Variants in USP40 observed in about 807,000 individuals in gnomAD.
The protein encoded by USP40 is ubiquitin carboxyl-terminal hydrolase 40.
In USP40, 143 loss-of-function variants were observed where a neutral mutation model predicts 166.2. That is an observed-to-expected ratio of 0.86 (90% CI 0.75 to 0.99). The LOEUF is 0.99. Among genes scored for constraint, USP40 ranks in the 50% least tolerant of loss-of-function variants. The pLI is 0.00. For synonymous variants in USP40, 498 were observed against 524.0 expected, an observed-to-expected ratio of 0.95 and a Z score of 0.68; for missense variants, 1,444 against 1,479.7, an observed-to-expected ratio of 0.98 and a Z score of 0.40.
intron 11 of USP40, among the ~76,000 whole-genome samples, 167 bp from the exon 12 acceptor site, chr2:233,529,679 T>C (rs1440974030): frequency 2.0e-5 from 3 of 152,038 alleles, no homozygotes; most frequent in East Asian, 1.9e-4. Context: ...ATCTGAAAAA[T>C]GAAAAAGTTA....
chr2:233,550,509 C>A (rs529591159), intron 7 of USP40, among the ~76,000 whole-genome samples: 16 of 149,818 alleles, frequency 1.1e-4, no homozygotes, highest in South Asian at 2.1e-4. Flanking sequence ...AAAAAAAAAA[C>A]CCCAAAAAGC....
intron 22 of USP40, among the ~76,000 whole-genome samples, chr2:233,499,638 T>C (rs2065948233): frequency 6.6e-6 from 1 of 152,162 alleles, no homozygotes; most frequent in Non-Finnish European, 1.5e-5. Context: ...CTGTAAAACA[T>C]TCCTACTTTG....
intron 17 of USP40, among the ~76,000 whole-genome samples, chr2:233,520,205 G>A (rs922249868): frequency 3.3e-5 from 5 of 151,926 alleles, no homozygotes; most frequent in African/African-American, 1.2e-4. Flanking sequence ...GTAAATTTAG[G>A]AGTAAAACCG....
At chr2:233,545,832 TG>T (rs973760430) in intron 8 of USP40, 1 of 182,136 alleles carries the variant, frequency 5.5e-6, no homozygotes, top group African/African-American at 2.4e-5. Flanking sequence ...TGGGACCCTT[TG>T]TCTGTGGGCA....
At chr2:233,560,140 TGATATGGTTCA>T (rs1243483648) in intron 3 of USP40, among the ~76,000 whole-genome samples, 1 of 152,224 alleles carries the variant, frequency 6.6e-6, no homozygotes, top group Non-Finnish European at 1.5e-5. Flanking sequence ...TTTTCTACCT[TGATATGGTTCA>T]GACAAACATT....
At chr2:233,492,330 A>C (rs1379969060) in intron 25 of USP40, among the ~76,000 whole-genome samples, 2 of 152,258 alleles carry the variant, frequency 1.3e-5, no homozygotes, top group African/African-American at 2.4e-5. Flanking sequence ...GTGTTCACAT[A>C]ATGATGAAAT....
rs1239486094 is a variant in USP40 at position 233,556,933 on chromosome 2, G to C, written c.468C>G (p.Asp156Glu). The change falls in exon 5 of 32, where the codon GAC becomes GAG. Residue 156 changes from aspartate (D) to glutamate (E), a missense_variant. Coordinates refer to ENST00000678225, the MANE Select transcript of USP40 (RefSeq NM_001365479.2). ...TTCCATGGTACAGACGATAGATGAG[G>C]TCATGACCGGAGGTCCCAACTAAAG... Reference protein sequence around the residue: ...ETSLVGTSGHDLIYRLYHGTI... With the variant: ...ETSLVGTSGHELIYRLYHGTI... 6.2e-7 allele frequency: 1 copy of C among 1,613,950 alleles called. No individual in the cohort carries two copies. The highest frequency in any genetic ancestry group is 1.7e-5 in the Admixed American group (1 of 60,028).
At chr2:233,544,270 CCAGAGTT>C (rs1283491718) in intron 8 of USP40, among the ~76,000 whole-genome samples, 2 of 151,950 alleles carry the variant, frequency 1.3e-5, no homozygotes, top group Admixed American at 1.3e-4. Flanking sequence ...CCAGAAGGGC[CCAGAGTT>C]CAGGAAACTC....
chr2:233,519,385 G>A (rs1214617786), intron 18 of USP40: 2 of 426,516 alleles, frequency 4.7e-6, no homozygotes, highest in Non-Finnish European at 8.6e-6. Flanking sequence ...ATTGTATCTG[G>A]GGAAGGAGAG....
At chr2:233,481,396 ACAGATT>A in intron 30 of USP40, 99 bp from the exon 31 acceptor site, 1 of 1,035,756 alleles carries the variant, frequency 9.7e-7, no homozygotes, top group Non-Finnish European at 1.4e-6. Flanking sequence ...TGACAAAAGA[ACAGATT>A]CAAATTTACA....
At chr2:233,544,281 G>GA (rs777009270) in intron 8 of USP40, among the ~76,000 whole-genome samples, 2 of 152,138 alleles carry the variant, frequency 1.3e-5, no homozygotes, top group Non-Finnish European at 2.9e-5. Context: ...CAGAGTTCAG[G>GA]AAACTCTGTT....
At chr2:233,559,100 G>T (rs1294542879) in intron 4 of USP40, among the ~76,000 whole-genome samples, 3 of 152,194 alleles carry the variant, frequency 2.0e-5, no homozygotes, top group Non-Finnish European at 4.4e-5. Flanking sequence ...ATGGTAGACT[G>T]GGATTTGTTT....
At chr2:233,523,620 T>G in intron 15 of USP40, 131 bp from the exon 16 acceptor site, 1 of 866,610 alleles carries the variant, frequency 1.2e-6, no homozygotes, top group Non-Finnish European at 1.7e-6. Context: ...CACAAATGTC[T>G]GTTAAGCATC....
intron 31 of USP40, among the ~76,000 whole-genome samples, chr2:233,477,735 G>A (rs955032933): frequency 2.0e-5 from 3 of 152,272 alleles, no homozygotes; most frequent in African/African-American, 7.2e-5. Context: ...GCATGGTTCA[G>A]GCTCTGGGGC....
intron 6 of USP40, among the ~76,000 whole-genome samples, chr2:233,552,784 T>A (rs1323966781): frequency 6.6e-6 from 1 of 152,234 alleles, no homozygotes; most frequent in Non-Finnish European, 1.5e-5. Context: ...TTATCTATAA[T>A]CTCCAGGATA....
intron 30 of USP40, among the ~76,000 whole-genome samples, chr2:233,484,928 G>A (rs930330536): frequency 2.6e-5 from 4 of 152,138 alleles, no homozygotes; most frequent in Non-Finnish European, 4.4e-5. Flanking sequence ...CAGAAGGGGC[G>A]GTTAGGGGAA....
intron 31 of USP40, among the ~76,000 whole-genome samples, chr2:233,478,883 G>A (rs1232059771): frequency 3.9e-5 from 6 of 152,192 alleles, no homozygotes; most frequent in East Asian, 1.9e-4. Flanking sequence ...TGACGGTCAC[G>A]CTGGCCCATC....
intron 16 of USP40, among the ~76,000 whole-genome samples, chr2:233,521,834 A>G (rs891216854): frequency 2.0e-5 from 3 of 152,230 alleles, no homozygotes; most frequent in Admixed American, 2.0e-4. Flanking sequence ...ATGCTCCATG[A>G]AGACTACTTT....
chr2:233,504,649 G>A lies in USP40; in HGVS notation c.2614-4734C>T, dbSNP rs150820002. ...TTATAATGATATAAAGGGATTCAAT[G>A]AGAGGATATAACAATTGTAAATATA... On this transcript the variant is annotated intron_variant, in intron 21 of 31. Transcript: ENST00000678225. Among the ~76,000 whole-genome samples the A allele has an allele frequency of 4.7e-3, 719 of 151,974 alleles. 6 individuals carry two copies. Among genetic ancestry groups the A allele is most frequent in the Non-Finnish European group, 5.2e-3 (355 of 67,828 alleles).
Sources: allele counts gnomAD v4.1 joint callset (sites outside exome capture counted in the v4.1 genomes callset), GRCh38; gene constraint gnomAD v4.1.1; transcripts MANE v1.5; gene names NCBI Gene and HGNC (gene_info 2026-07-23, HGNC 2026-07-21).